Variants in SPAG6 observed in about 807,000 individuals in gnomAD.
SPAG6 encodes sperm associated antigen 6, also known as sperm-associated antigen 6.
SPAG6 carries 49 observed loss-of-function variants against 58.5 expected under a neutral mutation model. That is an observed-to-expected ratio of 0.84 (90% confidence interval 0.67 to 1.06). SPAG6 has a LOEUF of 1.06. Among genes scored for constraint, SPAG6 ranks in the 50% least tolerant of loss-of-function variants. The pLI is 0.00. For missense variants in SPAG6, 560 were observed against 611.3 expected (o/e 0.92, Z 0.89); for synonymous variants, 233 against 225.6 (o/e 1.03, Z -0.29).
At chr10:22,363,296 T>G (rs895238453) in intron 2 of SPAG6, among the ~76,000 whole-genome samples, 1 of 152,238 alleles carries the variant, frequency 6.6e-6, no homozygotes, top group South Asian at 2.1e-4. Flanking sequence ...TGAGTAGTCA[T>G]GCTAATACCT....
At chr10:22,354,969 G>A (rs144929095) in intron 2 of SPAG6, among the ~76,000 whole-genome samples, 4,957 of 151,634 alleles carry the variant, frequency 0.033, 302 homozygotes, top group African/African-American at 0.11. Flanking sequence ...ACTCCAGCCT[G>A]GGCAACAGAA....
In SPAG6 at chr10:22,389,190, G is replaced by C. The variant is rs749746240; in HGVS notation, c.883G>C (p.Val295Leu). 3.1e-6 allele frequency: 5 copies of C among 1,613,462 alleles called. No homozygotes were observed. The South Asian group carries it at 5.5e-5, about 18-fold the overall frequency. ...ACAGCTGGTAGTTAACGCAGGAGGG[G>C]TTGCTGCCGTGATTGACTGCATTGG... The part of the protein sequence containing the change: ...LSQLVVNAGG[V>L]AAVIDCIGSC... Residue 295 changes from valine to leucine, a missense_variant, in exon 7 of 11, where the codon GTT (valine) becomes CTT (leucine). Coordinates refer to ENST00000376624, the MANE Select transcript of SPAG6 (RefSeq NM_012443.4).
At chr10:22,415,983 GAATGTA>G (rs1219555666) in intron 10 of SPAG6, among the ~76,000 whole-genome samples, 1 of 151,992 alleles carries the variant, frequency 6.6e-6, no homozygotes, top group African/African-American at 2.4e-5. Flanking sequence ...TTCAATTTAT[GAATGTA>G]AATGTATAGT....
rs1840304855 is a variant in SPAG6, at chr10:22,411,077, G to A, written c.1361G>A (p.Gly454Asp). 1 of 1,613,952 alleles carries A rather than the reference G, an allele frequency of 6.2e-7. No individual in the cohort carries two copies. Among genetic ancestry groups the A allele is most frequent in the Non-Finnish European group, 8.5e-7 (1 of 1,179,974 alleles). The part of the protein sequence containing the change: ...SKARRLFVTS[G>D]GLKKVQEIKA... Reference sequence around the variant, plus strand: ...GCTCGACGACTTTTTGTAACAAGTGGTGGCCTTAAAAAAGTTCAAGAGATA... The same window carrying A: ...GCTCGACGACTTTTTGTAACAAGTGATGGCCTTAAAAAAGTTCAAGAGATA... Residue 454 changes from glycine (G) to aspartate (D), a missense_variant, in exon 10 of 11, where the codon GGT becomes GAT. Transcript: ENST00000376624.
intron 8 of SPAG6, among the ~76,000 whole-genome samples, chr10:22,399,589 T>C (rs572832420): frequency 9.2e-5 from 14 of 152,356 alleles, no homozygotes; most frequent in African/African-American, 2.6e-4. Context: ...AATTATGATA[T>C]ACATTTCTAT....
intron 2 of SPAG6, among the ~76,000 whole-genome samples, chr10:22,348,514 T>C (rs1310293416): frequency 1.3e-5 from 2 of 152,208 alleles, no homozygotes; most frequent in East Asian, 1.9e-4. Context: ...TTCTCATTTT[T>C]CCCTCCAATA....
intron 2 of SPAG6, chr10:22,359,417 T>G: frequency 1.6e-5 from 4 of 251,644 alleles, no homozygotes; most frequent in Non-Finnish European, 2.5e-5. Flanking sequence ...TGAGATGGAG[T>G]CTCATTCACT....
At chr10:22,369,429 A>G (rs1488603745) in intron 4 of SPAG6, among the ~76,000 whole-genome samples, 1 of 152,234 alleles carries the variant, frequency 6.6e-6, no homozygotes, top group Non-Finnish European at 1.5e-5. Context: ...TGTAAAAATG[A>G]TCAACTTTGC....
intron 4 of SPAG6, among the ~76,000 whole-genome samples, chr10:22,379,569 G>A (rs1324996330): frequency 5.9e-5 from 9 of 152,166 alleles, no homozygotes; most frequent in Non-Finnish European, 1.2e-4. Flanking sequence ...TCCCACGAGT[G>A]TGCCTGGACA....
At chr10:22,409,055 C>A (rs916470911) in intron 9 of SPAG6, among the ~76,000 whole-genome samples, 2 of 152,204 alleles carry the variant, frequency 1.3e-5, no homozygotes, top group Non-Finnish European at 2.9e-5. Context: ...AACCTGGTAC[C>A]TCAGATGGAA....
intron 10 of SPAG6, among the ~76,000 whole-genome samples, chr10:22,415,825 TAGATTTAAA>T (rs1834854214): frequency 6.6e-6 from 1 of 152,170 alleles, no homozygotes; most frequent in South Asian, 2.1e-4. Flanking sequence ...TATACTTCCA[TAGATTTAAA>T]AAATTATTCT....
rs1243811590 is a variant in SPAG6 at position 22,346,493 on chromosome 10, CTTCT to C, written c.121+681_121+684del. Among the ~76,000 whole-genome samples, 444 of 133,384 alleles carry C rather than the reference CTTCT, an allele frequency of 3.3e-3. 3 individuals carry two copies. The highest frequency in any genetic ancestry group is 0.013 in the African/African-American group (406 of 30,318). 87.5% of individuals were successfully genotyped at this position (133,384 alleles called of 152,430 possible). On this transcript the variant is annotated intron_variant, in intron 2 of 10. Transcript: ENST00000376624. ...TCTTCTTCTTCTTCTTCTTCTTCTT[CTTCT>C]TTCTTCTTCTTCTTCCTCTTCTTCT...
At chr10:22,376,297 A>T (rs1833813048) in intron 4 of SPAG6, among the ~76,000 whole-genome samples, 1 of 152,232 alleles carries the variant, frequency 6.6e-6, no homozygotes, top group African/African-American at 2.4e-5. Context: ...GTGTGAAAAA[A>T]TGTAAAATAT....
intron 9 of SPAG6, among the ~76,000 whole-genome samples, chr10:22,405,815 T>G (rs1588560822): frequency 2.0e-5 from 3 of 152,304 alleles, no homozygotes; most frequent in Admixed American, 1.3e-4. Context: ...CAATTTCAGA[T>G]CCTGTTATTG....
chr10:22,357,327 C>G (rs1283528777), intron 2 of SPAG6, among the ~76,000 whole-genome samples: 2 of 152,006 alleles, frequency 1.3e-5, no homozygotes. Context: ...TCTGTCACAA[C>G]CCGTTTAGAA....
chr10:22,353,873 T>C (rs2132033067), intron 2 of SPAG6, among the ~76,000 whole-genome samples: 1 of 152,324 alleles, frequency 6.6e-6, no homozygotes, highest in East Asian at 1.9e-4. Context: ...TCCTAGGAGT[T>C]AGCCAGATAA....
At chr10:22,378,042 T>C (rs1457998119) in intron 4 of SPAG6, among the ~76,000 whole-genome samples, 1 of 148,380 alleles carries the variant, frequency 6.7e-6, no homozygotes, top group East Asian at 1.9e-4. Context: ...CAGATCTTTT[T>C]TTCTTTTCTT....
intron 10 of SPAG6, among the ~76,000 whole-genome samples, chr10:22,413,680 A>G (rs1277989730): frequency 1.5e-5 from 2 of 133,166 alleles, no homozygotes; most frequent in Non-Finnish European, 3.0e-5. Context: ...TAATGTTTTC[A>G]AATTTCTGAT....
intron 2 of SPAG6, chr10:22,346,180 C>T (rs1588627723): frequency 4.6e-6 from 5 of 1,094,770 alleles, no homozygotes; most frequent in Non-Finnish European, 6.0e-6. Flanking sequence ...TCACCTTCGA[C>T]TTCCTCACAG....
Sources: allele counts gnomAD v4.1 joint callset (sites outside exome capture counted in the v4.1 genomes callset), GRCh38; gene constraint gnomAD v4.1.1; transcripts MANE v1.5; gene names NCBI Gene and HGNC (gene_info 2026-07-23, HGNC 2026-07-21).